DYM: variants seen among roughly 807,000 people sequenced by gnomAD.
DYM encodes the protein dyggve-Melchior-Clausen syndrome protein.
DYM carries 78 observed loss-of-function variants against 93.1 expected under a neutral mutation model. The ratio of observed to expected loss-of-function variants is 0.84; its 90% CI spans 0.70 to 1.01. DYM has a LOEUF of 1.01. DYM is among the 50% of genes least tolerant of loss of function. The pLI, the probability that DYM is intolerant of heterozygous loss-of-function variation, is 0.00. For synonymous variants in DYM, 321 were observed against 319.7 expected (o/e 1.00, Z -0.04); for missense variants, 789 against 845.0 (o/e 0.93, Z 0.82).
intron 2 of DYM, among the ~76,000 whole-genome samples, chr18:49,423,860 C>G (rs1478414174): frequency 2.6e-5 from 4 of 152,158 alleles, no homozygotes; most frequent in Non-Finnish European, 5.9e-5. Flanking sequence ...GAAGTTGAAT[C>G]CCTGAATATA....
intron 15 of DYM, among the ~76,000 whole-genome samples, chr18:49,145,127 AT>A (rs1486989589): frequency 0.013 from 1,538 of 113,932 alleles, 152 homozygotes; most frequent in African/African-American, 0.039. Context: ...ATATATATAT[AT>A]ATATATAATT....
At chr18:49,071,562 A>G (rs1247029264) in intron 17 of DYM, among the ~76,000 whole-genome samples, 1 of 152,238 alleles carries the variant, frequency 6.6e-6, no homozygotes, top group African/African-American at 2.4e-5. Flanking sequence ...CAAAACCACC[A>G]GCCAGCATAG....
intron 13 of DYM, among the ~76,000 whole-genome samples, chr18:49,230,388 A>C (rs201365096): frequency 6.6e-6 from 1 of 152,130 alleles, no homozygotes; most frequent in African/African-American, 2.4e-5. Context: ...AGCCCCTTAT[A>C]ATCTCTCTAC....
intron 6 of DYM, among the ~76,000 whole-genome samples, chr18:49,336,802 A>G (rs1231815270): frequency 6.6e-6 from 1 of 152,222 alleles, no homozygotes; most frequent in African/African-American, 2.4e-5. Flanking sequence ...AGGACTATAA[A>G]GGAAAAAAAC....
chr18:49,080,511 G>A (rs2077821824), intron 17 of DYM, among the ~76,000 whole-genome samples: 2 of 145,154 alleles, frequency 1.4e-5, no homozygotes, highest in African/African-American at 5.1e-5. Flanking sequence ...CCGGGCAGAG[G>A]GGCTCCTCAC....
At chr18:49,392,872 G>T (rs1458742259) in intron 2 of DYM, among the ~76,000 whole-genome samples, 2 of 150,942 alleles carry the variant, frequency 1.3e-5, no homozygotes, top group Non-Finnish European at 1.5e-5. Context: ...GTACACGCCT[G>T]TGATCCCAGC....
intron 8 of DYM, among the ~76,000 whole-genome samples, chr18:49,328,622 A>G (rs555402540): frequency 5.3e-5 from 8 of 152,380 alleles, no homozygotes; most frequent in African/African-American, 1.7e-4. Flanking sequence ...AAAAGTGGGC[A>G]AAGGATATGA....
chr18:49,348,242 AAG>A (rs1321320408), intron 6 of DYM, among the ~76,000 whole-genome samples: 1 of 152,228 alleles, frequency 6.6e-6, no homozygotes, highest in East Asian at 1.9e-4. Context: ...AACAACTGAC[AAG>A]TTCAAAGGAT....
intron 8 of DYM, among the ~76,000 whole-genome samples, chr18:49,303,510 T>C (rs1857536584): frequency 6.6e-6 from 1 of 152,192 alleles, no homozygotes; most frequent in Admixed American, 6.5e-5. Context: ...GAGACAGATC[T>C]GCAAGTGGAG....
rs1395283211 is a variant in DYM at position 49,070,462 on chromosome 18, C to G, written c.2026-26258G>C. 2.0e-5 allele frequency among the ~76,000 whole-genome samples: 3 copies of G among 152,182 alleles called. No homozygotes were observed. The East Asian group carries it at 5.8e-4, about 29-fold the overall frequency. ...CCTCTCCACTTATGTGCTTCAGAAT[C>G]TGCATTCTGTCCACGGCCATTCTTC... On this transcript the variant is annotated intron_variant, in intron 17 of 17. Transcript: ENST00000675505.
At chr18:49,108,158 C>T (rs1159543986) in intron 16 of DYM, among the ~76,000 whole-genome samples, 3 of 152,218 alleles carry the variant, frequency 2.0e-5, no homozygotes, top group African/African-American at 7.2e-5. Context: ...TCTCAGACTA[C>T]TGTGCTAGCA....
At chr18:49,445,106 TA>T (rs1272792605) in intron 1 of DYM, among the ~76,000 whole-genome samples, 1 of 152,202 alleles carries the variant, frequency 6.6e-6, no homozygotes, top group Non-Finnish European at 1.5e-5. Context: ...GCTTTATTAA[TA>T]AAAAACTTGT....
chr18:49,219,389 C>T (rs1160377974), intron 13 of DYM, among the ~76,000 whole-genome samples: 1 of 152,204 alleles, frequency 6.6e-6, no homozygotes, highest in African/African-American at 2.4e-5. Flanking sequence ...AGAGGGAACC[C>T]TCCCTAACTC....
chr18:49,422,829 T>C (rs1255368364), intron 2 of DYM, among the ~76,000 whole-genome samples: 2 of 152,138 alleles, frequency 1.3e-5, no homozygotes, highest in Non-Finnish European at 2.9e-5. Context: ...AAGGGATCAA[T>C]TCAACAAGAA....
intron 13 of DYM, among the ~76,000 whole-genome samples, chr18:49,233,611 A>T (rs990688187): frequency 2.0e-5 from 3 of 152,122 alleles, no homozygotes; most frequent in African/African-American, 7.2e-5. Flanking sequence ...CTGGTTTCCA[A>T]TGATTAGATA....
intron 15 of DYM, among the ~76,000 whole-genome samples, chr18:49,140,031 T>A (rs1376267832): frequency 2.0e-5 from 3 of 152,198 alleles, no homozygotes; most frequent in Admixed American, 1.3e-4. Flanking sequence ...GCCCACAGGC[T>A]TTTGAACAAT....
At chr18:49,441,920 G>T (rs1600299163) in intron 1 of DYM, among the ~76,000 whole-genome samples, 2 of 152,106 alleles carry the variant, frequency 1.3e-5, no homozygotes, top group South Asian at 4.1e-4. Context: ...GGTTGGGGAG[G>T]GTAATAAGGT....
chr18:49,375,572 G>A (rs929094441), intron 5 of DYM: 20 of 152,080 alleles, frequency 1.3e-4, no homozygotes, highest in Non-Finnish European at 2.1e-4. Flanking sequence ...AAATAAAACT[G>A]CTAAAATTGA....
chr18:49,161,754 C>T (rs775007536), intron 15 of DYM, among the ~76,000 whole-genome samples: 13 of 152,174 alleles, frequency 8.5e-5, no homozygotes, highest in South Asian at 2.1e-4. Context: ...CACACACACA[C>T]GAGAAAAAAC....
Sources: allele counts gnomAD v4.1 joint callset (sites outside exome capture counted in the v4.1 genomes callset), GRCh38; gene constraint gnomAD v4.1.1; transcripts MANE v1.5; gene names NCBI Gene and HGNC (gene_info 2026-07-23, HGNC 2026-07-21).